Variants in PHACTR2 observed in about 807,000 individuals in gnomAD.
The protein encoded by PHACTR2 is chromosome 6 open reading frame 56.
In PHACTR2, 30 loss-of-function variants were observed where a neutral mutation model predicts 76.0. That is an observed-to-expected ratio of 0.39 (90% CI 0.30 to 0.54). The LOEUF (loss-of-function observed/expected upper bound fraction) is 0.54. Among genes scored for constraint, PHACTR2 ranks in the 20% least tolerant of loss-of-function variants. The pLI is 0.61. For synonymous variants in PHACTR2, 292 were observed against 292.5 expected, an observed-to-expected ratio of 1.00 and a Z score of 0.02; for missense variants, 696 against 781.1, an observed-to-expected ratio of 0.89 and a Z score of 1.30.
chr6:143,671,188 C>T lies in PHACTR2; in HGVS notation c.14-40828C>T, dbSNP rs558160655. Among the ~76,000 whole-genome samples the T allele has an allele frequency of 1.4e-4, 22 of 152,302 alleles. No homozygotes were observed. In the South Asian group the frequency reaches 4.2e-3, roughly 29 times the overall value. On this transcript the variant is annotated intron_variant, in intron 1 of 11. Transcript: ENST00000305766. This position sits in a 1 kb window ranked among gnomAD's most constrained non-coding sequence, Gnocchi z 4.6. ...CATGATCCGCCTGCCTCAGCAGCCT[C>T]CCAAAGTGCTGAGATTACAGGTCTG... is the stretch of plus-strand genomic sequence containing the variant.
rs554314533 is a variant in PHACTR2, at chr6:143,588,657, C to T, written c.217+51450C>T. ...TAGAAAACAAATATATGAGGATCAA[C>T]GAAACTAAAAGTCAGTTCTATGAAA... On this transcript the variant is annotated intron_variant, in intron 1 of 11. Transcript: ENST00000367584. Among the ~76,000 whole-genome samples, 20 of 152,074 alleles carry T rather than the reference C, an allele frequency of 1.3e-4. No individual in the cohort carries two copies. The South Asian group carries it at 2.7e-3, about 21-fold the overall frequency.
Position 143,591,919 on chromosome 6 carries a change from T to C in PHACTR2, c.217+54712T>C, listed in dbSNP as rs1223638621. Among the ~76,000 whole-genome samples, 1 of 152,200 alleles carries C rather than the reference T, an allele frequency of 6.6e-6. No homozygotes were observed. Among genetic ancestry groups the C allele is most frequent in the Non-Finnish European group, 1.5e-5 (1 of 68,038 alleles). ...TCCTGGGCCACTTCCCTAGATCTAT[T>C]TTTAGGAGATTGAAGGCAGATTGTA... On this transcript the variant is annotated intron_variant, in intron 1 of 11. Transcript: ENST00000367584. This position sits in a 1 kb window ranked among gnomAD's most constrained non-coding sequence, Gnocchi z 6.4.
rs1177492799 is a variant in PHACTR2, at chr6:143,818,438, T to C, written c.1923-5236T>C. 3.9e-5 allele frequency among the ~76,000 whole-genome samples: 6 copies of C among 152,192 alleles called. No individual in the cohort carries two copies. Among genetic ancestry groups the C allele is most frequent in the Non-Finnish European group, 8.8e-5 (6 of 68,030 alleles). ...GGAGTACTTTCATCGTAAGATTGTT[T>C]TGGGGATTAAATGAGGAAATAGATG... On this transcript the variant is annotated intron_variant, in intron 12 of 12. Transcript: ENST00000440869. The surrounding 1 kb of genome is among the most constrained non-coding windows in gnomAD (Gnocchi z 4.9).
chr6:143,553,396 G>A lies in PHACTR2; in HGVS notation c.217+16189G>A, dbSNP rs551547976. Among the ~76,000 whole-genome samples, 6 of 152,274 alleles carry A rather than the reference G, an allele frequency of 3.9e-5. No homozygotes were observed. Among genetic ancestry groups the A allele is most frequent in the South Asian group, 2.1e-4 (1 of 4,820 alleles). ...GTGAACAGAGGTTCAGTAAATTCAC[G>A]GAAGTGAAAATATCATACAAACCAG... On this transcript the variant is annotated intron_variant, in intron 1 of 11. Coordinates refer to the PHACTR2 transcript ENST00000367584. The surrounding 1 kb of genome is among the most constrained non-coding windows in gnomAD (Gnocchi z 4.2).
chr6:143,702,409 C>CT (rs1257546305), intron 1 of PHACTR2, among the ~76,000 whole-genome samples: 2 of 152,054 alleles, frequency 1.3e-5, no homozygotes, highest in Non-Finnish European at 1.5e-5. Context: ...ACCCAGCCTG[C>CT]TTTTTTGTTT....
At position 143,764,717 on chromosome 6, in the gene PHACTR2, T is replaced by C. The variant is rs1779515532; in HGVS notation, c.695-544T>C. 6.6e-6 allele frequency among the ~76,000 whole-genome samples: 1 copy of C among 152,100 alleles called. No homozygotes were observed. The highest frequency in any genetic ancestry group is 2.4e-5 in the African/African-American group (1 of 41,418). On this transcript the variant is annotated intron_variant, in intron 5 of 12. Coordinates refer to ENST00000440869, the MANE Select transcript of PHACTR2 (RefSeq NM_001100164.2). The surrounding 1 kb of genome is among the most constrained non-coding windows in gnomAD (Gnocchi z 4.7). ...TTCTCTGGAGCTACTGGAAAGCTGG[T>C]GTGGATTTTCTCTTTTAGCAGTAAG...
chr6:143,814,796 G>A (rs61507358), intron 12 of PHACTR2, among the ~76,000 whole-genome samples: 1,525 of 152,016 alleles, frequency 0.01, 21 homozygotes, highest in African/African-American at 0.035. Flanking sequence ...TAGAGACGGG[G>A]TTTCACCGTG....
At chr6:143,723,537 G>A (rs1778489325) in intron 2 of PHACTR2, among the ~76,000 whole-genome samples, 1 of 152,190 alleles carries the variant, frequency 6.6e-6, no homozygotes, top group African/African-American at 2.4e-5. Flanking sequence ...TGGGTCTCAT[G>A]AATCCTCCTT....
rs1051136033 is a variant in PHACTR2, at chr6:143,783,023, G to GTT, written c.1646-195_1646-194insTT. On this transcript the variant is annotated intron_variant, in intron 9 of 12. Transcript: ENST00000440869. This position sits in a 1 kb window ranked among gnomAD's most constrained non-coding sequence, Gnocchi z 5.2. ...AAAAAGCATGTGTGTGTGTGTGTGT[G>GTT]TGTGTGTGTGTGTATGTGTGTGTGT... 2.0e-5 allele frequency among the ~76,000 whole-genome samples: 3 copies of GTT among 151,502 alleles called. No individual in the cohort carries two copies. Among genetic ancestry groups the GTT allele is most frequent in the African/African-American group, 7.3e-5 (3 of 41,194 alleles).
rs1377803417 is a variant in PHACTR2 at position 143,595,677 on chromosome 6, G to T, written c.217+58470G>T. ...TTCAAGGGAACAGAGTCCTACATTA[G>T]TTCCAGTACCCAGCCCTCTTTCGTG... On this transcript the variant is annotated intron_variant, in intron 1 of 11. Coordinates refer to the PHACTR2 transcript ENST00000367584. The surrounding 1 kb of genome is among the most constrained non-coding windows in gnomAD (Gnocchi z 4.2). 1.3e-5 allele frequency among the ~76,000 whole-genome samples: 2 copies of T among 152,190 alleles called. No homozygotes were observed. The highest frequency in any genetic ancestry group is 2.9e-5 in the Non-Finnish European group (2 of 68,044).
In PHACTR2 at chr6:143,803,269, C is replaced by T. The variant is rs779827629; in HGVS notation, c.1846-3788C>T. 1.1e-4 allele frequency among the ~76,000 whole-genome samples: 16 copies of T among 152,208 alleles called. No homozygotes were observed. The highest frequency in any genetic ancestry group is 1.8e-4 in the Non-Finnish European group (12 of 68,014). ...TTCAATGTGAAAATAAAATAGAGGC[C>T]GATTGCAGTGGCTCACGCCTGTAGT... On this transcript the variant is annotated intron_variant, in intron 11 of 12. Coordinates refer to ENST00000440869, the MANE Select transcript of PHACTR2 (RefSeq NM_001100164.2). The surrounding 1 kb of genome is among the most constrained non-coding windows in gnomAD (Gnocchi z 4.7).
intron 1 of PHACTR2, among the ~76,000 whole-genome samples, chr6:143,601,844 G>A (rs1221437935): frequency 6.6e-6 from 1 of 152,006 alleles, no homozygotes; most frequent in Non-Finnish European, 1.5e-5. Context: ...CATTTTCAGT[G>A]GAAGGTCTTT....
In PHACTR2 at chr6:143,742,250, G is replaced by A. The variant is rs144385962; in HGVS notation, c.215-6735G>A. On this transcript the variant is annotated intron_variant, in intron 2 of 12. Coordinates refer to ENST00000440869, the MANE Select transcript of PHACTR2 (RefSeq NM_001100164.2). The surrounding 1 kb of genome is among the most constrained non-coding windows in gnomAD (Gnocchi z 4.5). ...ATCCAGGGGCAGAAAACCTTCAGGC[G>A]TGGTTGGATCCAGGTGCTTACAAGC... Among the ~76,000 whole-genome samples, 636 of 152,284 alleles carry A rather than the reference G, an allele frequency of 4.2e-3. 4 individuals carry two copies. Among genetic ancestry groups the A allele is most frequent in the African/African-American group, 0.014 (590 of 41,574 alleles).
Position 143,783,132 on chromosome 6 carries a change from G to T in PHACTR2, c.1646-87G>T. ...GTGTGTTTGATCATTATTTGTTAGA[G>T]TCACATGATCGTGGCCTGATACACT... On this transcript the variant is annotated intron_variant, in intron 9 of 12. Transcript: ENST00000440869. This position sits in a 1 kb window ranked among gnomAD's most constrained non-coding sequence, Gnocchi z 5.2. 1 of 733,704 alleles carries T rather than the reference G, an allele frequency of 1.4e-6. No homozygotes were observed. Among genetic ancestry groups the T allele is most frequent in the Non-Finnish European group, 2.4e-6 (1 of 420,242 alleles). The allele number at this position is 733,704 out of a possible 1,614,324, so 45.4% of individuals were successfully genotyped here.
At position 143,556,072 on chromosome 6, in the gene PHACTR2, G is replaced by T. The variant is rs995973140; in HGVS notation, c.217+18865G>T. 1.3e-5 allele frequency among the ~76,000 whole-genome samples: 2 copies of T among 152,142 alleles called. No homozygotes were observed. Among genetic ancestry groups the T allele is most frequent in the Non-Finnish European group, 2.9e-5 (2 of 68,038 alleles). ...TCTTAGTAATTAATCTATTTGTAGTGTTACATTGAAGGTAGTAGCAGAAGG... is the reference window on the plus strand; with the variant it reads ...TCTTAGTAATTAATCTATTTGTAGTTTTACATTGAAGGTAGTAGCAGAAGG... On this transcript the variant is annotated intron_variant, in intron 1 of 11. Coordinates refer to the PHACTR2 transcript ENST00000367584. The surrounding 1 kb of genome is among the most constrained non-coding windows in gnomAD (Gnocchi z 4.3).
In PHACTR2 at chr6:143,722,787, C is replaced by T. The variant is rs921499949; in HGVS notation, c.214+10604C>T. 9.9e-5 allele frequency among the ~76,000 whole-genome samples: 15 copies of T among 152,166 alleles called. No homozygotes were observed. The highest frequency in any genetic ancestry group is 2.1e-4 in the South Asian group (1 of 4,826). The stretch of plus-strand genomic sequence containing the variant: ...ACCCTTCCCAGCTTCTGGTAACTGT[C>T]GTTCTACTCTATCTCCATGAGTTCA... On this transcript the variant is annotated intron_variant, in intron 2 of 12. Transcript: ENST00000440869. This position sits in a 1 kb window ranked among gnomAD's most constrained non-coding sequence, Gnocchi z 4.1.
chr6:143,712,263 G>GT lies in PHACTR2; in HGVS notation c.214+86dup, dbSNP rs993615413. On this transcript the variant is annotated intron_variant, in intron 2 of 12. Transcript: ENST00000440869. ...GGTAGAAAATTATGTTTTACAGTGT[G>GT]TTTTTTCCCAGAAAAAAATTAATCC... The GT allele has an allele frequency of 1.3e-4, 118 of 940,938 alleles. No individual in the cohort carries two copies. The African/African-American group carries it at 1.8e-3, about 15-fold the overall frequency. 58.3% of individuals were successfully genotyped at this position (940,938 alleles called of 1,614,324 possible).
At chr6:143,788,052 C>A (rs956013622) in intron 10 of PHACTR2, among the ~76,000 whole-genome samples, 4 of 152,158 alleles carry the variant, frequency 2.6e-5, no homozygotes, top group African/African-American at 9.7e-5. Flanking sequence ...GAAAGAAAAG[C>A]AATATAATTA....
At chr6:143,622,381 G>A (rs1192713022) in intron 1 of PHACTR2, among the ~76,000 whole-genome samples, 2 of 152,122 alleles carry the variant, frequency 1.3e-5, no homozygotes, top group African/African-American at 4.8e-5. Context: ...GCTTTGCTTG[G>A]CAATGTGCTG....
Sources: gnomAD v4.1 joint callset for allele counts (sites outside exome capture counted in the v4.1 genomes callset) on GRCh38, gnomAD v4.1.1 for gene constraint, Gnocchi (gnomAD v3.1) non-coding constraint, MANE v1.5 for transcripts, NCBI Gene and HGNC (gene_info 2026-07-23, HGNC 2026-07-21) for gene names.